The following DOCK10 variants were observed in gnomAD, a reference collection of about 807,000 sequenced individuals.
DOCK10 encodes dedicator of cytokinesis protein 10.
Under a neutral mutation model 280.1 loss-of-function variants are expected in DOCK10, and 145 were observed. That is an observed-to-expected ratio of 0.52 (90% CI 0.45 to 0.59). DOCK10 has a LOEUF of 0.59. Ranked by LOEUF, DOCK10 falls within the 20% of genes least tolerant of loss-of-function variation. The probability of loss-of-function intolerance (pLI) is 0.00; values close to 1 mark genes in which losing one functional copy is unlikely to be tolerated. For missense variants in DOCK10, 2,368 were observed against 2,651.7 expected (o/e 0.89, Z 2.35); for synonymous variants, 915 against 942.2 (o/e 0.97, Z 0.53).
At chr2:224,861,682 A>T (rs955907132) in intron 14 of DOCK10, 6 of 152,244 alleles carry the variant, frequency 3.9e-5, no homozygotes, top group Admixed American at 3.9e-4. Context: ...TCTGGATGCT[A>T]AAGTTGGATA....
At chr2:224,799,442 T>A (rs745722005) in intron 41 of DOCK10, among the ~76,000 whole-genome samples, 54 of 152,242 alleles carry the variant, frequency 3.5e-4, no homozygotes, top group Non-Finnish European at 2.5e-4. Context: ...GTAGTTTCTT[T>A]TTTTGCTATT....
At chr2:224,782,150 T>A (rs1431785684) in intron 50 of DOCK10, among the ~76,000 whole-genome samples, 2 of 152,160 alleles carry the variant, frequency 1.3e-5, no homozygotes, top group Non-Finnish European at 2.9e-5. Flanking sequence ...GTGGCCTAGA[T>A]CAGCGACTTT....
Position 224,855,006 on chromosome 2 carries a change from T to C in DOCK10, c.1845A>G (p.Gly615=), listed in dbSNP as rs1158749179. The C allele has an allele frequency of 6.2e-7, 1 of 1,610,174 alleles. No homozygotes were observed. Among genetic ancestry groups the C allele is most frequent in the East Asian group, 2.2e-5 (1 of 44,774 alleles). ...CGTTGTCAACAGCAATATCCAGGCT[T>C]CCAGGAATGGTCTGCATTTTGCTTA... is the stretch of plus-strand genomic sequence containing the variant. ...DRISKMQTIP[G]SLDIAVDNVP... is the part of the protein sequence containing the mutation. The change falls in exon 16 of 56, where the codon GGA becomes GGG. Residue 615 remains glycine (G), a synonymous_variant. Transcript: ENST00000258390.
chr2:224,787,470 A>C, intron 48 of DOCK10, 73 bp from the exon 49 acceptor site: 1 of 1,582,702 alleles, frequency 6.3e-7, no homozygotes, highest in Non-Finnish European at 8.6e-7. Flanking sequence ...TTGGTTTCCA[A>C]GCTGTTGCAT....
chr2:224,906,735 T>A (rs1700666968), intron 3 of DOCK10, among the ~76,000 whole-genome samples: 1 of 152,240 alleles, frequency 6.6e-6, no homozygotes, highest in Non-Finnish European at 1.5e-5. Context: ...CGCCTTGGCC[T>A]CCCAAAGTGC....
rs77367415 is a variant in DOCK10, at chr2:224,837,184, C to T, written c.2850+578G>A. ...TCACAAGTTCACTGGCATTAATCCA[C>T]AGGCCAACTGGAAATGAGAATAGAA... On this transcript the variant is annotated intron_variant, in intron 25 of 55. Coordinates refer to ENST00000258390, the MANE Select transcript of DOCK10 (RefSeq NM_014689.3). Among the ~76,000 whole-genome samples the T allele has an allele frequency of 4.3e-3, 658 of 152,288 alleles. 7 individuals are homozygous for T. Among genetic ancestry groups the T allele is most frequent in the African/African-American group, 0.015 (636 of 41,564 alleles).
intron 3 of DOCK10, among the ~76,000 whole-genome samples, chr2:224,913,533 T>C (rs994292217): frequency 6.6e-6 from 1 of 152,176 alleles, no homozygotes; most frequent in African/African-American, 2.4e-5. Flanking sequence ...GCAAAAGACA[T>C]AATGAGTTAC....
At chr2:225,029,378 G>A (rs1690014033) in intron 1 of DOCK10, among the ~76,000 whole-genome samples, 1 of 152,022 alleles carries the variant, frequency 6.6e-6, no homozygotes, top group Admixed American at 6.6e-5. Flanking sequence ...TGTCATGTTG[G>A]CCAGGCTGGT....
intron 31 of DOCK10, among the ~76,000 whole-genome samples, chr2:224,809,506 A>T (rs1424960950): frequency 6.6e-6 from 1 of 152,134 alleles, no homozygotes; most frequent in East Asian, 1.9e-4. Flanking sequence ...AGCAACAAAC[A>T]AACAAACAAA....
At chr2:224,892,493 T>G (rs560550434) in intron 4 of DOCK10, among the ~76,000 whole-genome samples, 23 of 150,560 alleles carry the variant, frequency 1.5e-4, no homozygotes, top group Non-Finnish European at 2.2e-4. Flanking sequence ...GAGTGATCCT[T>G]GTGGAAATGG....
At chr2:225,007,511 A>G (rs1318931907) in intron 1 of DOCK10, among the ~76,000 whole-genome samples, 2 of 152,224 alleles carry the variant, frequency 1.3e-5, no homozygotes, top group African/African-American at 4.8e-5. Flanking sequence ...CCTGATTTAC[A>G]TAAAAGTTAA....
intron 1 of DOCK10, among the ~76,000 whole-genome samples, chr2:225,035,269 G>T (rs1690188888): frequency 6.6e-6 from 1 of 151,924 alleles, no homozygotes; most frequent in Admixed American, 6.6e-5. Flanking sequence ...CAGGATGATG[G>T]TGAAGGACAG....
intron 8 of DOCK10, among the ~76,000 whole-genome samples, chr2:224,875,196 C>T (rs1331923836): frequency 6.6e-6 from 1 of 152,120 alleles, no homozygotes; most frequent in Non-Finnish European, 1.5e-5. Flanking sequence ...TAAGGAAATC[C>T]TAAGTGTAAA....
At chr2:224,845,115 T>C in intron 21 of DOCK10, 88 bp downstream of exon 21, 2 of 1,356,214 alleles carry the variant, frequency 1.5e-6, no homozygotes, top group Non-Finnish European at 2.0e-6. Flanking sequence ...ATGTCCACTA[T>C]GATCTTAAGT....
chr2:224,918,760 C>T (rs1262177061), intron 2 of DOCK10, among the ~76,000 whole-genome samples: 4 of 123,832 alleles, frequency 3.2e-5, no homozygotes, highest in Non-Finnish European at 5.4e-5. Flanking sequence ...ATGAGTGTGT[C>T]GCATTTGAGT....
intron 3 of DOCK10, among the ~76,000 whole-genome samples, chr2:224,908,882 C>T (rs1700835251): frequency 1.3e-5 from 2 of 152,172 alleles, no homozygotes; most frequent in Admixed American, 1.3e-4. Context: ...ATGAAGTCTC[C>T]TCACTTATCA....
intron 8 of DOCK10, 124 bp downstream of exon 8, chr2:224,875,914 G>T: frequency 1.1e-6 from 1 of 927,102 alleles, no homozygotes; most frequent in Non-Finnish European, 1.6e-6. Flanking sequence ...GTGATTCTTG[G>T]AACAAACAGC....
chr2:224,765,883 G>C, intron 55 of DOCK10, 46 bp from the exon 56 acceptor site: 1 of 1,418,940 alleles, frequency 7.0e-7, no homozygotes, highest in Non-Finnish European at 9.8e-7. Flanking sequence ...AGAGGTTAAT[G>C]TTAATATCCC....
At position 224,807,962 on chromosome 2, in the gene DOCK10, G is replaced by A. The variant is rs1281609731; in HGVS notation, c.3534C>T (p.Val1178=). 2.5e-6 allele frequency: 4 copies of A among 1,612,680 alleles called. No individual in the cohort carries two copies. The South Asian group carries it at 4.4e-5, about 18-fold the overall frequency. ...DQDVRHLALA[V]LKNLMAKHSF... ...AATGCTTAGCCATTAGATTTTTTAG[G>A]ACAGCTAAAGCTAAGTGTCTGACAT... is the stretch of plus-strand genomic sequence containing the variant. The change falls in exon 32 of 56, where the codon GTC becomes GTT. Residue 1178 remains valine (V), a synonymous_variant. Coordinates refer to ENST00000258390, the MANE Select transcript of DOCK10 (RefSeq NM_014689.3).
Sources: gnomAD v4.1 joint callset for allele counts (sites outside exome capture counted in the v4.1 genomes callset) on GRCh38, gnomAD v4.1.1 for gene constraint, MANE v1.5 for transcripts, NCBI Gene and HGNC (gene_info 2026-07-23, HGNC 2026-07-21) for gene names.